Variants in BACH1 observed in about 807,000 individuals in gnomAD.
The protein encoded by BACH1 is BTB domain and CNC homolog 1.
Under a neutral mutation model 52.9 loss-of-function variants are expected in BACH1, and 35 were observed. The ratio of observed to expected loss-of-function variants is 0.66; its 90% CI spans 0.51 to 0.88. The LOEUF (loss-of-function observed/expected upper bound fraction) is 0.88, where lower values mean the gene tolerates loss of function less well. Among genes scored for constraint, BACH1 ranks in the 40% least tolerant of loss-of-function variants. The probability of loss-of-function intolerance (pLI) is 0.00; values close to 1 mark genes in which losing one functional copy is unlikely to be tolerated. For missense variants in BACH1, 808 were observed against 872.6 expected (o/e 0.93, Z 0.93); for synonymous variants, 321 against 319.6 (o/e 1.00, Z -0.05).
In BACH1 at chr21:29,327,289, C is replaced by G; in HGVS notation, c.1465C>G (p.Gln489Glu). 6.2e-7 allele frequency: 1 copy of G among 1,614,204 alleles called. No individual in the cohort carries two copies. Among genetic ancestry groups the G allele is most frequent in the Non-Finnish European group, 8.5e-7 (1 of 1,180,042 alleles). The change falls in exon 3 of 5, where the codon CAA becomes GAA. Residue 489 changes from glutamine (Q) to glutamate (E), a missense_variant. By Grantham distance (29) the Gln-to-Glu change is conservative (BLOSUM62 2). Transcript: ENST00000286800. ...CGATGATTATGTTTCAGAACCCCAG[C>G]AAGAACCTTGCCCATATGCTTGTGT... ...GNDDYVSEPQ[Q>E]EPCPYACVIS...
Position 29,344,460 on chromosome 21 carries a change from A to C in BACH1, c.*1627A>C, listed in dbSNP as rs186536778. The C allele has an allele frequency of 1.8e-3, 271 of 152,738 alleles. 1 individual carries two copies. Among genetic ancestry groups the C allele is most frequent in the African/African-American group, 6.1e-3 (252 of 41,570 alleles). 9.5% of individuals were successfully genotyped at this position (152,738 alleles called of 1,614,324 possible). A position where few individuals can be genotyped will look rare whatever the true frequency, so the allele number is the denominator to read the frequency against. Reference sequence around the variant, plus strand: ...ATGTTACCCTTTTTGATCAGGGTGTAGGGGGAGGATATTGCTAGTATATTT... The same window carrying C: ...ATGTTACCCTTTTTGATCAGGGTGTCGGGGGAGGATATTGCTAGTATATTT... On this transcript the variant is annotated 3_prime_UTR_variant, in exon 5 of 5. Transcript: ENST00000286800.
chr21:29,327,230 C>G lies in BACH1; in HGVS notation c.1406C>G (p.Thr469Ser), dbSNP rs575620663. The part of the protein sequence containing the change: ...VNCPFISTLS[T>S]EGCSSNLEIG... Reference sequence around the variant, plus strand: ...TGCCCTTTTATAAGTACTCTGAGTACTGAAGGCTGTTCAAGCAATTTGGAA... The same window carrying G: ...TGCCCTTTTATAAGTACTCTGAGTAGTGAAGGCTGTTCAAGCAATTTGGAA... Residue 469 changes from threonine (T) to serine (S), a missense_variant, in exon 3 of 5, where the codon ACT (threonine) becomes AGT (serine). Physicochemically the swap from Thr to Ser is moderately conservative, Grantham distance 58. Transcript: ENST00000286800. 24 of 1,614,168 alleles carry G rather than the reference C, an allele frequency of 1.5e-5. No homozygotes were observed. The highest frequency in any genetic ancestry group is 9.9e-5 in the South Asian group (9 of 91,086).
At chr21:29,306,905 A>T (rs760167045) in intron 1 of BACH1, among the ~76,000 whole-genome samples, 10 of 152,198 alleles carry the variant, frequency 6.6e-5, no homozygotes, top group Non-Finnish European at 1.5e-4. Context: ...ATATATATAG[A>T]AGAAATAATT....
In BACH1 at chr21:29,326,843, T is replaced by G. The variant is rs778716402; in HGVS notation, c.1019T>G (p.Met340Arg). 4.3e-6 allele frequency: 7 copies of G among 1,614,198 alleles called. No homozygotes were observed. The highest frequency in any genetic ancestry group is 5.9e-6 in the Non-Finnish European group (7 of 1,180,016). ...TATGGTGACTTGAATTTTGCTGGTA[T>G]GCAAAACACAACAGTGTTAACAGAA... ...DQYGDLNFAG[M>R]QNTTVLTEKP... is the part of the protein sequence containing the mutation. Residue 340 changes from methionine to arginine, a missense_variant, in exon 3 of 5, where the codon ATG (methionine) becomes AGG (arginine). Met to Arg is a moderately conservative substitution (Grantham distance 91, BLOSUM62 -1). Coordinates refer to ENST00000286800, the MANE Select transcript of BACH1 (RefSeq NM_001186.4).
At chr21:29,350,671 A>T (rs537582343), downstream of BACH1, among the ~76,000 whole-genome samples, 1 of 152,360 alleles carries the variant, frequency 6.6e-6, no homozygotes, top group African/African-American at 2.4e-5. Context: ...TGCAGGGCAG[A>T]GGACAACCAG....
Position 29,321,209 on chromosome 21 carries a change from G to A in BACH1, c.-60-12G>A, listed in dbSNP as rs991123214. On this transcript the variant is annotated splice_polypyrimidine_tract_variant and intron_variant, in intron 1 of 4. Transcript: ENST00000286800. ...ATGTTATTTAAGTGAAATCTTGCAT[G>A]TGTGTTTGCAGGTTGATGATAATTA... 2.1e-5 allele frequency: 26 copies of A among 1,256,438 alleles called. No individual in the cohort carries two copies. The highest frequency in any genetic ancestry group is 3.0e-5 in the Non-Finnish European group (26 of 862,784). 77.8% of individuals were successfully genotyped at this position (1,256,438 alleles called of 1,614,324 possible). A position where few individuals can be genotyped will look rare whatever the true frequency, so the allele number is the denominator to read the frequency against.
intron 4 of BACH1, 61 bp from the exon 5 acceptor site, chr21:29,342,337 CT>C: frequency 6.7e-7 from 1 of 1,485,176 alleles, no homozygotes; most frequent in Non-Finnish European, 9.2e-7. Context: ...ATTTGATCGC[CT>C]TGGAAATGTT....
intron 2 of BACH1, among the ~76,000 whole-genome samples, chr21:29,357,422 A>G (rs987817116): frequency 1.3e-5 from 2 of 152,166 alleles, no homozygotes; most frequent in Admixed American, 1.3e-4. Flanking sequence ...CTGGGAGAAA[A>G]GTGGCAGGGT....
chr21:29,341,664 A>G (rs930704531), intron 4 of BACH1, among the ~76,000 whole-genome samples: 13 of 152,168 alleles, frequency 8.5e-5, no homozygotes, highest in Non-Finnish European at 1.8e-4. Context: ...ACCCCCCCGA[A>G]TTCTTCACAC....
intron 4 of BACH1, among the ~76,000 whole-genome samples, chr21:29,334,807 C>T (rs1359685161): frequency 6.6e-6 from 1 of 152,142 alleles, no homozygotes; most frequent in Non-Finnish European, 1.5e-5. Flanking sequence ...TAGTGATTTG[C>T]ATTTTGTGGT....
In BACH1 at chr21:29,326,632, T is replaced by C. The variant is rs61735774; in HGVS notation, c.808T>C (p.Cys270Arg). The C allele has an allele frequency of 2.5e-6, 4 of 1,613,754 alleles. No individual in the cohort carries two copies. The highest frequency in any genetic ancestry group is 3.4e-6 in the Non-Finnish European group (4 of 1,180,000). ...ENECLGGVPECRDLQVMLKCD... is the reference protein window; with the variant it reads ...ENECLGGVPERRDLQVMLKCD... Reference sequence around the variant, plus strand: ...TGAATGCCTGGGAGGAGTCCCGGAGTGTAGAGATTTGCAGGTGATGTTAAA... The same window carrying C: ...TGAATGCCTGGGAGGAGTCCCGGAGCGTAGAGATTTGCAGGTGATGTTAAA... The change falls in exon 3 of 5, where the codon TGT (cysteine) becomes CGT (arginine). Residue 270 changes from cysteine to arginine, a missense_variant. Physicochemically the swap from Cys to Arg is radical, Grantham distance 180 (BLOSUM62 -3). Coordinates refer to ENST00000286800, the MANE Select transcript of BACH1 (RefSeq NM_001186.4).
At chr21:29,321,124 A>G in intron 1 of BACH1, 97 bp from the exon 2 acceptor site, 1 of 634,906 alleles carries the variant, frequency 1.6e-6, no homozygotes, top group Middle Eastern at 3.9e-4. Context: ...TTTTATTTTC[A>G]TTTTTGTTTT....
intron 1 of BACH1, among the ~76,000 whole-genome samples, chr21:29,300,524 G>C (rs2088591647): frequency 6.6e-6 from 1 of 152,162 alleles, no homozygotes; most frequent in South Asian, 2.1e-4. Flanking sequence ...GCACTGAGGC[G>C]GGTTTAAAGA....
At chr21:29,355,885 G>A (rs935307150) in intron 2 of BACH1, among the ~76,000 whole-genome samples, 1 of 152,124 alleles carries the variant, frequency 6.6e-6, no homozygotes, top group African/African-American at 2.4e-5. Context: ...GCGCCAGGTG[G>A]CATCTCTTAC....
intron 4 of BACH1, among the ~76,000 whole-genome samples, chr21:29,337,538 G>C (rs975861939): frequency 3.3e-5 from 5 of 152,280 alleles, no homozygotes; most frequent in Middle Eastern, 3.4e-3. Context: ...AATTACATTA[G>C]TGTATTGTTT....
rs1569022943 is a variant in BACH1, at chr21:29,342,771, C to A, written c.2149C>A (p.Gln717Lys). The change falls in exon 5 of 5, where the codon CAG (glutamine) becomes AAG (lysine). Residue 717 changes from glutamine to lysine, a missense_variant. Physicochemically the swap from Gln to Lys is moderately conservative, Grantham distance 53. Coordinates refer to ENST00000286800, the MANE Select transcript of BACH1 (RefSeq NM_001186.4). ...EQAGPAEQCR[Q>K]SGGISDFCQQ... ...AGCTGGGCCTGCGGAACAGTGTCGT[C>A]AGAGTGGTGGGATCTCAGATTTCTG... 6.2e-7 allele frequency: 1 copy of A among 1,613,516 alleles called. No individual in the cohort carries two copies. Among genetic ancestry groups the A allele is most frequent in the Middle Eastern group, 1.7e-4 (1 of 6,056 alleles).
intron 4 of BACH1, among the ~76,000 whole-genome samples, chr21:29,336,132 T>A (rs552295832): frequency 2.3e-4 from 35 of 152,330 alleles, no homozygotes; most frequent in African/African-American, 8.2e-4. Context: ...TTAAACCTGT[T>A]TAGTCTCTTA....
chr21:29,321,927 C>G (rs1472487807), intron 2 of BACH1, among the ~76,000 whole-genome samples: 2 of 151,980 alleles, frequency 1.3e-5, no homozygotes, highest in East Asian at 3.9e-4. Flanking sequence ...ATACCTGAAA[C>G]TGGGTAATTT....
chr21:29,305,104 A>ACT (rs2088641084), intron 1 of BACH1: 1 of 151,016 alleles, frequency 6.6e-6, no homozygotes, highest in Non-Finnish European at 1.5e-5. Context: ...GGCCTTGGGT[A>ACT]CTCCCCTAGG....
Sources: allele counts gnomAD v4.1 joint callset (sites outside exome capture counted in the v4.1 genomes callset), GRCh38; gene constraint gnomAD v4.1.1; transcripts MANE v1.5; gene names NCBI Gene and HGNC (gene_info 2026-07-23, HGNC 2026-07-21).